Variants in VXN observed in about 807,000 individuals in gnomAD.
VXN encodes the protein vexin.
In VXN, 7 loss-of-function variants were observed where a neutral mutation model predicts 23.1. The ratio of observed to expected loss-of-function variants is 0.30; its 90% CI spans 0.17 to 0.57. The LOEUF (loss-of-function observed/expected upper bound fraction) is 0.57, where lower values mean the gene tolerates loss of function less well. VXN is among the 20% of genes least tolerant of loss of function. The pLI is 0.91. For missense variants in VXN, 238 were observed against 272.6 expected (o/e 0.87, Z 0.89); for synonymous variants, 120 against 105.8 (o/e 1.13, Z -0.83).
chr8:66,515,580 T>C (rs1807878339), intron 5 of VXN, among the ~76,000 whole-genome samples: 1 of 152,188 alleles, frequency 6.6e-6, no homozygotes, highest in Non-Finnish European at 1.5e-5. Flanking sequence ...GCAAGTTTGT[T>C]CACATAGAGG....
At chr8:66,509,164 A>G (rs2718991) in intron 3 of VXN, among the ~76,000 whole-genome samples, 5,510 of 152,272 alleles carry the variant, frequency 0.036, 122 homozygotes, top group Middle Eastern at 0.068. Context: ...GTAATACTTT[A>G]TTTTATTTGC....
intron 4 of VXN, among the ~76,000 whole-genome samples, chr8:66,510,940 G>A (rs113223791): frequency 0.011 from 1,726 of 152,260 alleles, 35 homozygotes; most frequent in African/African-American, 0.039. Flanking sequence ...TCCGGAACAA[G>A]CATTACCCAC....
chr8:66,512,817 T>A (rs1419877633), intron 4 of VXN, among the ~76,000 whole-genome samples: 1 of 152,146 alleles, frequency 6.6e-6, no homozygotes, highest in Non-Finnish European at 1.5e-5. Context: ...TGTGCCAGCA[T>A]CAGAGAAGGG....
At position 66,516,202 on chromosome 8, in the gene VXN, A is replaced by G. The variant is rs1299007098; in HGVS notation, c.*126A>G. On this transcript the variant is annotated 3_prime_UTR_variant, in exon 6 of 6. Transcript: ENST00000305454. ...TGGTCCAAACCCATTATCCTCCCTC[A>G]CTCATTGATTACCCTGGGATAGGGC... is the stretch of plus-strand genomic sequence containing the variant. 2.6e-6 allele frequency: 2 copies of G among 781,710 alleles called. No homozygotes were observed. Among genetic ancestry groups the G allele is most frequent in the South Asian group, 2.1e-5 (1 of 47,060 alleles). 48.4% of individuals were successfully genotyped at this position (781,710 alleles called of 1,614,324 possible). A position where few individuals can be genotyped will look rare whatever the true frequency, so the allele number is the denominator to read the frequency against.
chr8:66,495,242 C>T (rs1339057495), intron 1 of VXN, among the ~76,000 whole-genome samples: 1 of 152,012 alleles, frequency 6.6e-6, no homozygotes, highest in East Asian at 1.9e-4. Context: ...GAGAAGAAAA[C>T]AAAGTAGAAG....
chr8:66,496,167 C>G (rs908169653), intron 1 of VXN, among the ~76,000 whole-genome samples: 4 of 152,208 alleles, frequency 2.6e-5, no homozygotes, highest in African/African-American at 9.7e-5. Flanking sequence ...AATATTCCAT[C>G]ACATACAGAC....
At chr8:66,498,985 A>T (rs113677698) in intron 2 of VXN, 2,474 of 216,006 alleles carry the variant, frequency 0.011, 70 homozygotes, top group African/African-American at 0.052. Context: ...TAGCTATGTG[A>T]CCTTGAGCAA....
At chr8:66,502,775 AAG>A (rs1807705621) in intron 2 of VXN, among the ~76,000 whole-genome samples, 1 of 152,044 alleles carries the variant, frequency 6.6e-6, no homozygotes, top group Non-Finnish European at 1.5e-5. Flanking sequence ...GAAAAAGAAA[AAG>A]AAAAGAAATG....
intron 1 of VXN, chr8:66,494,533 G>A (rs1420912807): frequency 1.3e-5 from 2 of 152,350 alleles, no homozygotes; most frequent in Admixed American, 1.3e-4. Flanking sequence ...GTTTGCTGGT[G>A]TTGTGAGCCC....
intron 4 of VXN, chr8:66,510,428 T>C (rs760905158): frequency 1.1e-5 from 4 of 366,126 alleles, no homozygotes; most frequent in Non-Finnish European, 1.5e-5. Flanking sequence ...AGACATCTTA[T>C]ACATGGTGAG....
At position 66,513,628 on chromosome 8, in the gene VXN, T is replaced by C; in HGVS notation, c.431T>C (p.Leu144Pro). 6.2e-7 allele frequency: 1 copy of C among 1,614,024 alleles called. No homozygotes were observed. Among genetic ancestry groups the C allele is most frequent in the Non-Finnish European group, 8.5e-7 (1 of 1,179,908 alleles). The change falls in exon 5 of 6, where the codon CTG (leucine) becomes CCG (proline). Residue 144 changes from leucine (L) to proline (P), a missense_variant. Leu to Pro is a moderately conservative substitution (Grantham distance 98, BLOSUM62 -3). This residue lies in a region of VXN where 223 missense variants were observed against 236.9 expected (regional missense o/e 0.94). Transcript: ENST00000305454. Reference sequence around the variant, plus strand: ...ATGGGCACAGAGAAGGGAGCTGTTCTGATGAGAGGGTAAGTGCTGCGTCTC... The same window carrying C: ...ATGGGCACAGAGAAGGGAGCTGTTCCGATGAGAGGGTAAGTGCTGCGTCTC... ...TAMGTEKGAV[L>P]MRGSRHLKKM...
Position 66,493,586 on chromosome 8 carries a change from G to T in VXN, c.-63G>T, listed in dbSNP as rs1807588646. 55 of 1,419,840 alleles carry T rather than the reference G, an allele frequency of 3.9e-5. No homozygotes were observed. Among genetic ancestry groups the T allele is most frequent in the Non-Finnish European group, 5.4e-5 (54 of 1,006,224 alleles). The allele number at this position is 1,419,840 out of a possible 1,614,324, so 88.0% of individuals were successfully genotyped here. ...GAGCCAGACTGGATTAGGATGCCTC[G>T]CGACTAGGGGTCCAGAGACAGAGGC... is the stretch of plus-strand genomic sequence containing the variant. On this transcript the variant is annotated 5_prime_UTR_variant, in exon 1 of 6. Coordinates refer to ENST00000305454, the MANE Select transcript of VXN (RefSeq NM_152765.4).
chr8:66,496,070 G>T (rs189584069), intron 1 of VXN, among the ~76,000 whole-genome samples: 1 of 152,254 alleles, frequency 6.6e-6, no homozygotes, highest in East Asian at 1.9e-4. Flanking sequence ...GACATTTTGT[G>T]TCCGGCTTAT....
intron 5 of VXN, 24 bp from the exon 6 acceptor site, chr8:66,515,869 C>T (rs756651102): frequency 5.2e-6 from 8 of 1,533,822 alleles, no homozygotes; most frequent in Middle Eastern, 1.7e-4. Context: ...CCACCCTCCC[C>T]ACCCACTCCT....
Position 66,505,438 on chromosome 8 carries a change from C to G in VXN, c.190C>G (p.Arg64Gly). ...PLELLPHRGDRRDPGDRRRFG... is the reference protein window; with the variant it reads ...PLELLPHRGDGRDPGDRRRFG... ...GGAGCTGCTGCCCCACCGCGGAGAC[C>G]GCAGGGACCCTGGCGACCGCCGCAG... The change falls in exon 3 of 6, where the codon CGC becomes GGC. Residue 64 changes from arginine to glycine, a missense_variant. By Grantham distance (125) the Arg-to-Gly change is moderately radical. Coordinates refer to ENST00000305454, the MANE Select transcript of VXN (RefSeq NM_152765.4). 6.3e-7 allele frequency: 1 copy of G among 1,576,804 alleles called. No homozygotes were observed. Among genetic ancestry groups the G allele is most frequent in the Non-Finnish European group, 8.6e-7 (1 of 1,161,852 alleles).
chr8:66,510,696 C>CG (rs1807811841), intron 4 of VXN, among the ~76,000 whole-genome samples: 1 of 152,182 alleles, frequency 6.6e-6, no homozygotes, highest in Admixed American at 6.5e-5. Flanking sequence ...TGACTGGCGA[C>CG]GGCTCTCTTT....
Position 66,505,361 on chromosome 8 carries a change from C to T in VXN, c.127-14C>T, listed in dbSNP as rs1807738587. ...GCAGAGGAGTGGGCTAACCGCGTTT[C>T]CCCCGCCCGGCAGGTGGTGATCGAG... On this transcript the variant is annotated splice_polypyrimidine_tract_variant and intron_variant, in intron 2 of 5. Coordinates refer to ENST00000305454, the MANE Select transcript of VXN (RefSeq NM_152765.4). 6.4e-7 allele frequency: 1 copy of T among 1,573,846 alleles called. No individual in the cohort carries two copies. The highest frequency in any genetic ancestry group is 1.2e-5 in the South Asian group (1 of 85,634).
At chr8:66,507,905 G>C (rs1307293182) in intron 3 of VXN, among the ~76,000 whole-genome samples, 1 of 152,134 alleles carries the variant, frequency 6.6e-6, no homozygotes, top group Non-Finnish European at 1.5e-5. Flanking sequence ...GCCATAGAAG[G>C]CACCTGGATG....
chr8:66,503,499 T>C (rs1807714033), intron 2 of VXN: 1 of 152,226 alleles, frequency 6.6e-6, no homozygotes, highest in Admixed American at 6.5e-5. Flanking sequence ...CTGCTTTTCC[T>C]ATCTTGACCT....
Sources: allele counts gnomAD v4.1 joint callset (sites outside exome capture counted in the v4.1 genomes callset), GRCh38; gene constraint gnomAD v4.1.1; regional missense constraint gnomAD v4.1.1; transcripts MANE v1.5; gene names NCBI Gene and HGNC (gene_info 2026-07-23, HGNC 2026-07-21).